Variants in CNTN1 observed in about 807,000 individuals in gnomAD.
The protein encoded by CNTN1 is contactin-1.
In CNTN1, 38 loss-of-function variants were observed where a neutral mutation model predicts 126.4. That is an observed-to-expected ratio of 0.30 (90% CI 0.23 to 0.39). The LOEUF (loss-of-function observed/expected upper bound fraction) is 0.39. Ranked by LOEUF, CNTN1 falls within the 10% of genes least tolerant of loss-of-function variation. The probability of loss-of-function intolerance (pLI) is 1.00; values close to 1 mark genes in which losing one functional copy is unlikely to be tolerated. For missense variants in CNTN1, 1,009 were observed against 1,248.4 expected, an observed-to-expected ratio of 0.81 and a Z score of 2.89; for synonymous variants, 413 against 422.6, an observed-to-expected ratio of 0.98 and a Z score of 0.28.
chr12:40,859,956 A>G (rs1254849220), intron 1 of CNTN1, among the ~76,000 whole-genome samples: 1 of 152,136 alleles, frequency 6.6e-6, no homozygotes, highest in Non-Finnish European at 1.5e-5. Flanking sequence ...ATAATTATTA[A>G]TCATACTTTT....
At chr12:40,945,456 G>GTGTT (rs1435803167) in intron 14 of CNTN1, among the ~76,000 whole-genome samples, 2 of 151,920 alleles carry the variant, frequency 1.3e-5, no homozygotes, top group African/African-American at 2.4e-5. Context: ...ATTATCTTTG[G>GTGTT]TGTTATAAAT....
At chr12:40,811,969 A>C (rs2136506084) in intron 1 of CNTN1, among the ~76,000 whole-genome samples, 1 of 147,388 alleles carries the variant, frequency 6.8e-6, no homozygotes, top group Middle Eastern at 3.8e-3. Context: ...TCATTCCTTG[A>C]GATGTAATGT....
At chr12:40,956,767 G>A (rs928560124) in intron 14 of CNTN1, among the ~76,000 whole-genome samples, 1 of 152,056 alleles carries the variant, frequency 6.6e-6, no homozygotes, top group South Asian at 2.1e-4. Flanking sequence ...AAATTTTAAA[G>A]GTTTCAGTTT....
intron 17 of CNTN1, among the ~76,000 whole-genome samples, chr12:41,002,677 C>T (rs1356163587): frequency 6.6e-6 from 1 of 151,582 alleles, no homozygotes; most frequent in Non-Finnish European, 1.5e-5. Context: ...CCTGCCTCGG[C>T]CTCCTGAGTA....
At chr12:40,805,266 C>A (rs778659638) in intron 1 of CNTN1, among the ~76,000 whole-genome samples, 4 of 151,980 alleles carry the variant, frequency 2.6e-5, no homozygotes, top group Non-Finnish European at 4.4e-5. Flanking sequence ...CCTTTTCCCT[C>A]TTTTCTTCTG....
intron 1 of CNTN1, among the ~76,000 whole-genome samples, chr12:40,796,094 AT>A (rs1446158538): frequency 6.6e-6 from 1 of 152,042 alleles, no homozygotes; most frequent in Non-Finnish European, 1.5e-5. Flanking sequence ...CCAGTGAACA[AT>A]GTAAAACCAT....
chr12:40,755,468 T>G (rs990691825), intron 1 of CNTN1, among the ~76,000 whole-genome samples: 102 of 147,986 alleles, frequency 6.9e-4, no homozygotes, highest in Non-Finnish European at 2.8e-4. Flanking sequence ...ATCCTAGTAC[T>G]TTGGGAGGCT....
intron 1 of CNTN1, among the ~76,000 whole-genome samples, chr12:40,872,339 T>G (rs1943532197): frequency 6.6e-6 from 1 of 151,520 alleles, no homozygotes; most frequent in Non-Finnish European, 1.5e-5. Context: ...ATGTCAAGTG[T>G]AACAAATCAA....
intron 1 of CNTN1, among the ~76,000 whole-genome samples, chr12:40,816,631 G>C (rs530070886): frequency 6.6e-6 from 1 of 151,260 alleles, no homozygotes; most frequent in East Asian, 1.9e-4. Flanking sequence ...GGTTTTTCGT[G>C]TCTCTGTTTC....
chr12:40,702,603 C>A (rs1446539003), intron 1 of CNTN1, among the ~76,000 whole-genome samples: 1 of 152,092 alleles, frequency 6.6e-6, no homozygotes, highest in Non-Finnish European at 1.5e-5. Flanking sequence ...TGCCACCATG[C>A]TCCGCTAATT....
At position 40,924,583 on chromosome 12, in the gene CNTN1, C is replaced by A. The variant is rs753302581; in HGVS notation, c.427C>A (p.Arg143Ser). 3 of 1,599,268 alleles carry A rather than the reference C, an allele frequency of 1.9e-6. No homozygotes were observed. Among genetic ancestry groups the A allele is most frequent in the Admixed American group, 3.3e-5 (2 of 59,844 alleles). The change falls in exon 6 of 24, where the codon CGT (arginine) becomes AGT (serine). Residue 143 changes from arginine (R) to serine (S), a missense_variant. Physicochemically the swap from Arg to Ser is moderately radical, Grantham distance 110. Transcript: ENST00000551295. ...GYLDPFPPEE[R>S]PEVRVKEGKG... ...TCTTGATCCTTTCCCACCTGAGGAA[C>A]GTCCTGAGGTCAGAGTAAAAGAAGG...
intron 1 of CNTN1, among the ~76,000 whole-genome samples, chr12:40,904,649 C>T (rs900289605): frequency 2.6e-5 from 4 of 152,082 alleles, no homozygotes; most frequent in African/African-American, 7.2e-5. Context: ...AGGCTGGTCT[C>T]GAACTCCTGA....
At chr12:40,999,602 T>C (rs934835385) in intron 17 of CNTN1, among the ~76,000 whole-genome samples, 14 of 152,000 alleles carry the variant, frequency 9.2e-5, no homozygotes, top group African/African-American at 3.4e-4. Context: ...AAGGCTACAA[T>C]TGAACATTCA....
At chr12:40,746,815 C>A (rs374904924) in intron 1 of CNTN1, among the ~76,000 whole-genome samples, 2 of 152,186 alleles carry the variant, frequency 1.3e-5, no homozygotes. Flanking sequence ...GCCATTTTGC[C>A]TCTGAAGTGT....
intron 1 of CNTN1, among the ~76,000 whole-genome samples, chr12:40,694,198 A>G (rs1941385644): frequency 6.6e-6 from 1 of 152,232 alleles, no homozygotes; most frequent in South Asian, 2.1e-4. Flanking sequence ...TTCCAGGACT[A>G]AGGAACTGCT....
intron 7 of CNTN1, among the ~76,000 whole-genome samples, chr12:40,932,169 C>T (rs1450527853): frequency 6.6e-6 from 1 of 151,480 alleles, no homozygotes; most frequent in South Asian, 2.1e-4. Context: ...TGTCCTCACC[C>T]AAATCTCACC....
chr12:40,938,421 C>CA (rs1209159189), intron 11 of CNTN1, among the ~76,000 whole-genome samples: 2 of 152,138 alleles, frequency 1.3e-5, no homozygotes, highest in Admixed American at 1.3e-4. Flanking sequence ...AGGGTGTTTG[C>CA]ATACAGATGA....
chr12:40,979,742 T>C (rs1302584880), intron 15 of CNTN1, among the ~76,000 whole-genome samples: 1 of 152,088 alleles, frequency 6.6e-6, no homozygotes, highest in Non-Finnish European at 1.5e-5. Flanking sequence ...ATTTGTCTTA[T>C]TTGAAGACAA....
intron 1 of CNTN1, among the ~76,000 whole-genome samples, chr12:40,806,077 G>A (rs1337146603): frequency 6.6e-6 from 1 of 152,110 alleles, no homozygotes; most frequent in Non-Finnish European, 1.5e-5. Flanking sequence ...GAGGTAGAAT[G>A]CTGTTGCTTG....
Sources: allele counts gnomAD v4.1 joint callset (sites outside exome capture counted in the v4.1 genomes callset), GRCh38; gene constraint gnomAD v4.1.1; transcripts MANE v1.5; gene names NCBI Gene and HGNC (gene_info 2026-07-23, HGNC 2026-07-21).